Variants in WEE2 observed in about 807,000 individuals in gnomAD.
WEE2 encodes the protein WEE2 oocyte meiosis inhibiting kinase.
Under a neutral mutation model 60.1 loss-of-function variants are expected in WEE2, and 50 were observed. The ratio of observed to expected loss-of-function variants is 0.83; its 90% confidence interval spans 0.66 to 1.05. The LOEUF is 1.05. WEE2 is among the 50% of genes least tolerant of loss of function. The pLI is 0.00. For synonymous variants in WEE2, 240 were observed against 241.0 expected (o/e 1.00, Z 0.04); for missense variants, 631 against 684.3 (o/e 0.92, Z 0.87).
At chr7:141,727,492 C>G in intron 10 of WEE2, 46 bp downstream of exon 10, 1 of 1,605,440 alleles carries the variant, frequency 6.2e-7, no homozygotes, top group Non-Finnish European at 8.5e-7. Context: ...CTGAGCACTA[C>G]TCACAATGGT....
At position 141,708,485 on chromosome 7, in the gene WEE2, G is replaced by C; in HGVS notation, c.-274G>C. 1 of 480,422 alleles carries C rather than the reference G, an allele frequency of 2.1e-6. No individual in the cohort carries two copies. Among genetic ancestry groups the C allele is most frequent in the Non-Finnish European group, 3.7e-6 (1 of 270,188 alleles). The allele number at this position is 480,422 out of a possible 1,614,324, so 29.8% of individuals were successfully genotyped here. On this transcript the variant is annotated 5_prime_UTR_variant, in exon 1 of 12. Coordinates refer to ENST00000397541, the MANE Select transcript of WEE2 (RefSeq NM_001105558.1). The stretch of plus-strand genomic sequence containing the variant: ...GAGACTATGTGTCATATCCAGAAGA[G>C]TTCTGTACATGAACTGCATTTAATT...
At chr7:141,723,365 G>C in intron 6 of WEE2, 85 bp downstream of exon 6, 1 of 1,450,660 alleles carries the variant, frequency 6.9e-7, no homozygotes, top group East Asian at 2.3e-5. Flanking sequence ...TGTCTATCAA[G>C]TGTCAAGGAC....
rs1264266245 is a variant in WEE2 at position 141,711,148 on chromosome 7, A to G, written c.342+2048A>G. On this transcript the variant is annotated intron_variant, in intron 1 of 11. Transcript: ENST00000397541. This position sits in a 1 kb window ranked among gnomAD's most constrained non-coding sequence, Gnocchi z 4.2. ...TAAGGGATATATGGGTTTGGAGAAA[A>G]GCAGAGATGTGGTATAAAAAGTTGG... Among the ~76,000 whole-genome samples, 3 of 152,216 alleles carry G rather than the reference A, an allele frequency of 2.0e-5. No homozygotes were observed. The highest frequency in any genetic ancestry group is 4.4e-5 in the Non-Finnish European group (3 of 68,036).
At chr7:141,728,650 G>C (rs1173320444) in intron 10 of WEE2, among the ~76,000 whole-genome samples, 1 of 152,184 alleles carries the variant, frequency 6.6e-6, no homozygotes, top group African/African-American at 2.4e-5. Flanking sequence ...GGGGCAGACA[G>C]CATCTTGAAA....
chr7:141,719,411 C>T (rs1372235476), intron 4 of WEE2, among the ~76,000 whole-genome samples, 167 bp downstream of exon 4: 1 of 152,154 alleles, frequency 6.6e-6, no homozygotes, highest in Non-Finnish European at 1.5e-5. Context: ...AGTTTTCCAG[C>T]TCAGAGATGT....
intron 2 of WEE2, among the ~76,000 whole-genome samples, chr7:141,715,113 T>C (rs1798774347): frequency 6.6e-6 from 1 of 152,204 alleles, no homozygotes; most frequent in Admixed American, 6.5e-5. Flanking sequence ...ATGTGCTATG[T>C]CAAGTTGTTT....
chr7:141,719,393 C>T (rs1798864703), intron 4 of WEE2, 149 bp downstream of exon 4: 2 of 743,460 alleles, frequency 2.7e-6, no homozygotes, highest in South Asian at 2.2e-5. Flanking sequence ...ATATTCATAA[C>T]CTTTCTGAGT....
intron 9 of WEE2, chr7:141,727,103 G>A (rs1375613860): frequency 5.7e-6 from 3 of 521,742 alleles, no homozygotes; most frequent in Non-Finnish European, 1.0e-5. Flanking sequence ...CAAATCAAAG[G>A]TGTGGACAAC....
chr7:141,708,773 T>C lies in WEE2; in HGVS notation c.15T>C (p.Asp5=), dbSNP rs771445915. The change falls in exon 1 of 12, where the codon GAT becomes GAC. Residue 5 remains aspartate, a synonymous_variant. Transcript: ENST00000397541. MDDK[D]IDKELRQKLN... ...CTTTGGCTGAGATGGATGACAAAGA[T>C]ATTGACAAAGAACTAAGGCAGAAAT... 3.7e-6 allele frequency: 6 copies of C among 1,613,478 alleles called. No homozygotes were observed. In the African/African-American group the frequency reaches 4.0e-5, roughly 11 times the overall value.
rs577770395 is a variant in WEE2, at chr7:141,711,292, C to T, written c.342+2192C>T. On this transcript the variant is annotated intron_variant, in intron 1 of 11. Transcript: ENST00000397541. The surrounding 1 kb of genome is among the most constrained non-coding windows in gnomAD (Gnocchi z 4.2). ...AGATAAGGTCACATAGCCTGAGTGC[C>T]AGAGTAAGGAGAGAAGTGGCCCAGT... 6.6e-6 allele frequency among the ~76,000 whole-genome samples: 1 copy of T among 152,216 alleles called. No individual in the cohort carries two copies. The highest frequency in any genetic ancestry group is 2.1e-4 in the South Asian group (1 of 4,824).
At chr7:141,716,135 T>C in intron 2 of WEE2, 87 bp from the exon 3 acceptor site, 1 of 1,155,282 alleles carries the variant, frequency 8.7e-7, no homozygotes, top group Non-Finnish European at 1.2e-6. Context: ...AATTGTCTTA[T>C]TTACTCTTAC....
chr7:141,730,238 A>G (rs994833426), intron 11 of WEE2, 57 bp from the exon 12 acceptor site: 5 of 1,561,284 alleles, frequency 3.2e-6, no homozygotes, highest in Admixed American at 1.7e-5. Flanking sequence ...CTCTATTGTT[A>G]TATTCCTAAT....
At position 141,711,108 on chromosome 7, in the gene WEE2, CA is replaced by C. The variant is rs755738049; in HGVS notation, c.342+2010del. Among the ~76,000 whole-genome samples the C allele has an allele frequency of 1.1e-4, 16 of 152,186 alleles. No homozygotes were observed. Among genetic ancestry groups the C allele is most frequent in the Non-Finnish European group, 1.9e-4 (13 of 68,022 alleles). On this transcript the variant is annotated intron_variant, in intron 1 of 11. Coordinates refer to ENST00000397541, the MANE Select transcript of WEE2 (RefSeq NM_001105558.1). This position sits in a 1 kb window ranked among gnomAD's most constrained non-coding sequence, Gnocchi z 4.2. ...TCTTGCTTGGTTCAGTAGACAGAAT[CA>C]AGATAGATGACACTAAGGGATATAT...
intron 3 of WEE2, among the ~76,000 whole-genome samples, chr7:141,717,423 T>C (rs1188458377): frequency 6.6e-6 from 1 of 152,254 alleles, no homozygotes; most frequent in Non-Finnish European, 1.5e-5. Flanking sequence ...TGGATTTTAT[T>C]CCTCACTTAT....
Position 141,724,029 on chromosome 7 carries a change from C to G in WEE2, c.1116C>G (p.Ala372=). ...ATGAAGCTGATTGGTTTCTCTCTGC[C>G]AATGTGATGTATAAAATTGGTTAGT... ...VENEADWFLS[A]NVMYKIGDLG... The change falls in exon 7 of 12, where the codon GCC becomes GCG. Residue 372 remains alanine (A), a synonymous_variant. Coordinates refer to ENST00000397541, the MANE Select transcript of WEE2 (RefSeq NM_001105558.1). 6.2e-7 allele frequency: 1 copy of G among 1,612,722 alleles called. No homozygotes were observed. Among genetic ancestry groups the G allele is most frequent in the East Asian group, 2.2e-5 (1 of 44,812 alleles).
chr7:141,724,207 ACATCAATAAACAAACC>A lies in WEE2; in HGVS notation c.1156_1171del (p.Ser386LysfsTer32). ...TTTTTTAGGTGACCTGGGCCACGCAACATCAATAAACAAACCCAAAGTGGAAGAAGGAGATAGTCGC... is the reference window on the plus strand; with the variant it reads ...TTTTTTAGGTGACCTGGGCCACGCAACAAAGTGGAAGAAGGAGATAGTCGC... On this transcript the variant is annotated frameshift_variant, in exon 8 of 12. Transcript: ENST00000397541. LOFTEE classifies it high-confidence loss of function. 6.2e-7 allele frequency: 1 copy of A among 1,612,832 alleles called. No homozygotes were observed. Among genetic ancestry groups the A allele is most frequent in the East Asian group, 2.2e-5 (1 of 44,850 alleles).
Position 141,723,928 on chromosome 7 carries a change from AT to A in WEE2, c.1028-4del, listed in dbSNP as rs199758946. 1.3e-4 allele frequency: 200 copies of A among 1,515,014 alleles called. No individual in the cohort carries two copies. The highest frequency in any genetic ancestry group is 2.5e-4 in the Admixed American group (14 of 55,548). 93.8% of individuals were successfully genotyped at this position (1,515,014 alleles called of 1,614,324 possible). ...AGTCATTACTTACATCTATCCTGTCATTTTTTTTTCAGGTAATATATTCATT... is the reference window on the plus strand; with the variant it reads ...AGTCATTACTTACATCTATCCTGTCATTTTTTTTCAGGTAATATATTCATT... On this transcript the variant is annotated splice_polypyrimidine_tract_variant and intron_variant, in intron 6 of 11. Coordinates refer to ENST00000397541, the MANE Select transcript of WEE2 (RefSeq NM_001105558.1).
chr7:141,724,165 C>CT (rs774050095), intron 7 of WEE2, 25 bp from the exon 8 acceptor site: 2 of 1,594,074 alleles, frequency 1.3e-6, no homozygotes, highest in Non-Finnish European at 1.7e-6. Context: ...CGATTTTATT[C>CT]TTTTTTCCTT....
At position 141,712,549 on chromosome 7, in the gene WEE2, G is replaced by T. The variant is rs116126693; in HGVS notation, c.343-1660G>T. Among the ~76,000 whole-genome samples, 81 of 152,164 alleles carry T rather than the reference G, an allele frequency of 5.3e-4. No individual in the cohort carries two copies. In the East Asian group the frequency reaches 0.011, roughly 21 times the overall value. On this transcript the variant is annotated intron_variant, in intron 1 of 11. Transcript: ENST00000397541. ...CTATGTTATTTGAGATTTTGAAAGG[G>T]TTACTCATAATTCTATTATTCCAGC... is the stretch of plus-strand genomic sequence containing the variant.
Sources: allele counts gnomAD v4.1 joint callset (sites outside exome capture counted in the v4.1 genomes callset), GRCh38; gene constraint gnomAD v4.1.1; non-coding constraint Gnocchi (gnomAD v3.1); transcripts MANE v1.5; gene names NCBI Gene and HGNC (gene_info 2026-07-23, HGNC 2026-07-21).